Variants in TMEM38B observed in about 807,000 individuals in gnomAD.
TMEM38B encodes trimeric intracellular cation channel type B.
A neutral mutation model predicts 28.7 loss-of-function variants in TMEM38B; 24 were observed. The ratio of observed to expected loss-of-function variants is 0.84; its 90% confidence interval spans 0.61 to 1.18. The LOEUF is 1.18. Among genes scored for constraint, TMEM38B ranks in the 50% most tolerant of loss-of-function variants. TMEM38B has a pLI of 0.00. For synonymous variants in TMEM38B, 131 were observed against 127.7 expected, an observed-to-expected ratio of 1.03 and a Z score of -0.17; for missense variants, 380 against 350.9, an observed-to-expected ratio of 1.08 and a Z score of -0.66.
At chr9:105,746,081 TATGA>T (rs1402988050) in intron 4 of TMEM38B, among the ~76,000 whole-genome samples, 1 of 152,216 alleles carries the variant, frequency 6.6e-6, no homozygotes, top group Non-Finnish European at 1.5e-5. Flanking sequence ...TTTGTTTACA[TATGA>T]ACTTTAAAGT....
At chr9:105,695,566 C>G (rs934501244) in intron 1 of TMEM38B, among the ~76,000 whole-genome samples, 5 of 152,194 alleles carry the variant, frequency 3.3e-5, no homozygotes, top group African/African-American at 1.2e-4. Flanking sequence ...GGTGCGTTTG[C>G]TCTAATACTG....
chr9:105,747,048 G>A (rs1473613400), intron 4 of TMEM38B, among the ~76,000 whole-genome samples: 3 of 152,142 alleles, frequency 2.0e-5, no homozygotes, highest in Non-Finnish European at 4.4e-5. Flanking sequence ...TTTTTTGGTT[G>A]TGTCTCTGCC....
chr9:105,705,426 T>C (rs970129272), intron 1 of TMEM38B, among the ~76,000 whole-genome samples, 171 bp from the exon 2 acceptor site: 5 of 152,346 alleles, frequency 3.3e-5, no homozygotes, highest in Admixed American at 2.6e-4. Flanking sequence ...CCAGTCTTGC[T>C]TTAAAGAATA....
chr9:105,738,460 T>G (rs1837065433), intron 4 of TMEM38B, among the ~76,000 whole-genome samples: 1 of 152,098 alleles, frequency 6.6e-6, no homozygotes, highest in African/African-American at 2.4e-5. Context: ...GTACTTTCCT[T>G]TAGTTATTTT....
intron 4 of TMEM38B, among the ~76,000 whole-genome samples, chr9:105,747,141 A>G (rs1480289642): frequency 1.3e-5 from 2 of 152,198 alleles, no homozygotes; most frequent in Non-Finnish European, 2.9e-5. Flanking sequence ...CTATAGTTTC[A>G]GAAGGAATGG....
intron 5 of TMEM38B, among the ~76,000 whole-genome samples, chr9:105,764,266 C>G (rs973088864): frequency 6.6e-6 from 1 of 152,152 alleles, no homozygotes; most frequent in Admixed American, 6.6e-5. Context: ...AAAGGGTATT[C>G]AGTTAGGAAA....
intron 2 of TMEM38B, 98 bp downstream of exon 2, chr9:105,705,851 G>A (rs1374677391): frequency 9.9e-6 from 13 of 1,315,792 alleles, no homozygotes; most frequent in Non-Finnish European, 1.3e-5. Flanking sequence ...TATTTTACGT[G>A]CTTGAAAAGT....
intron 5 of TMEM38B, chr9:105,759,320 C>A: frequency 1.1e-6 from 1 of 939,050 alleles, no homozygotes; most frequent in South Asian, 1.4e-5. Context: ...AATTCCTTCA[C>A]AATTTGAATT....
intron 5 of TMEM38B, chr9:105,759,360 A>G (rs1280200231): frequency 1.6e-6 from 2 of 1,262,800 alleles, no homozygotes; most frequent in Admixed American, 3.8e-5. Context: ...CCTTCTTCTC[A>G]GTCTGCTTCA....
chr9:105,723,856 CAG>C (rs1188472801), intron 4 of TMEM38B, among the ~76,000 whole-genome samples: 4 of 144,298 alleles, frequency 2.8e-5, no homozygotes, highest in Non-Finnish European at 6.1e-5. Context: ...TGTTTTGAGT[CAG>C]AGTTTCGCTG....
At chr9:105,761,062 C>G (rs1434831055) in intron 5 of TMEM38B, among the ~76,000 whole-genome samples, 2 of 152,160 alleles carry the variant, frequency 1.3e-5, no homozygotes, top group Non-Finnish European at 2.9e-5. Context: ...CTATGTTCAT[C>G]AAGATTAAAC....
intron 4 of TMEM38B, among the ~76,000 whole-genome samples, chr9:105,747,431 A>C (rs1340893598): frequency 6.7e-6 from 1 of 149,002 alleles, no homozygotes; most frequent in Non-Finnish European, 1.5e-5. Context: ...TATCCCCTTT[A>C]TCATTTTTTA....
chr9:105,724,969 T>C (rs968137119), intron 4 of TMEM38B, among the ~76,000 whole-genome samples: 8 of 152,168 alleles, frequency 5.3e-5, no homozygotes, highest in Admixed American at 1.3e-4. Flanking sequence ...GTGCCTTTCC[T>C]CCTTTCCAGT....
intron 5 of TMEM38B, among the ~76,000 whole-genome samples, chr9:105,757,450 G>A (rs948211513): frequency 1.3e-4 from 20 of 152,252 alleles, no homozygotes; most frequent in Non-Finnish European, 2.6e-4. Flanking sequence ...GGATCAAATG[G>A]TAGTTCTACT....
At chr9:105,732,314 T>G (rs935652466) in intron 4 of TMEM38B, among the ~76,000 whole-genome samples, 4 of 152,212 alleles carry the variant, frequency 2.6e-5, no homozygotes, top group Non-Finnish European at 5.9e-5. Context: ...TGAGTTTAAT[T>G]AGATCCCATT....
chr9:105,756,650 G>C (rs2133632476), intron 5 of TMEM38B, among the ~76,000 whole-genome samples: 1 of 152,160 alleles, frequency 6.6e-6, no homozygotes, highest in South Asian at 2.1e-4. Context: ...TACAATTGTT[G>C]CTGGATGTAA....
intron 2 of TMEM38B, chr9:105,710,194 C>T (rs1302121173): frequency 2.2e-6 from 1 of 450,464 alleles, no homozygotes; most frequent in Non-Finnish European, 4.2e-6. Context: ...ACCCCTTTGT[C>T]ACTTGAACTG....
intron 5 of TMEM38B, among the ~76,000 whole-genome samples, chr9:105,761,710 C>A (rs777058360): frequency 5.9e-5 from 9 of 152,106 alleles, no homozygotes; most frequent in East Asian, 1.9e-4. Flanking sequence ...ATTAGACTCA[C>A]CCGAGGAGTT....
At chr9:105,764,812 C>T (rs1013257029) in intron 5 of TMEM38B, among the ~76,000 whole-genome samples, 10 of 151,488 alleles carry the variant, frequency 6.6e-5, no homozygotes, top group African/African-American at 2.4e-4. Flanking sequence ...GGAGGCATCA[C>T]ACTACCTGAC....
Sources: gnomAD v4.1 joint callset for allele counts (sites outside exome capture counted in the v4.1 genomes callset) on GRCh38, gnomAD v4.1.1 for gene constraint, MANE v1.5 for transcripts, NCBI Gene and HGNC (gene_info 2026-07-23, HGNC 2026-07-21) for gene names.